The following LOC114841035 variants were observed in gnomAD, a reference collection of about 807,000 sequenced individuals.
At chr11:64,243,761 AGGGGC>A in the LOC114841035 span, 1 of 1,573,224 alleles carries the variant, frequency 6.4e-7, no homozygotes, top group Non-Finnish European at 8.7e-7. Flanking sequence ...TCTTGCTGAG[AGGGGC>A]GGAACACTCT....
chr11:64,243,084 TG>T, the LOC114841035 span: 1 of 886,966 alleles, frequency 1.1e-6, no homozygotes, highest in East Asian at 2.5e-5. Flanking sequence ...CAAAAAGGAC[TG>T]ACCACCAGGG....
chr11:64,243,155 G>A, the LOC114841035 span: 1 of 1,565,704 alleles, frequency 6.4e-7, no homozygotes, highest in Non-Finnish European at 8.8e-7. Flanking sequence ...GGGGGTGTCA[G>A]GGGTGGTCCC....
chr11:64,242,547 A>G, the LOC114841035 span: 38 of 1,547,310 alleles, frequency 2.5e-5, no homozygotes, highest in Non-Finnish European at 3.2e-5. Context: ...TGTCCTGCAC[A>G]TGCACTACAC....
chr11:64,243,026 C>T, the LOC114841035 span, among the ~76,000 whole-genome samples: 2 of 152,262 alleles, frequency 1.3e-5, no homozygotes, highest in East Asian at 3.9e-4. Context: ...GAGGCGAGAT[C>T]ACGCCGCTGC....
the LOC114841035 span, among the ~76,000 whole-genome samples, chr11:64,242,824 C>T: frequency 2.6e-5 from 4 of 152,178 alleles, no homozygotes; most frequent in Admixed American, 2.6e-4. Flanking sequence ...CCCTGTAATC[C>T]CAGCACTTTG....
chr11:64,241,117 G>A, the LOC114841035 span: 1 of 152,720 alleles, frequency 6.5e-6, no homozygotes, highest in African/African-American at 2.4e-5. Flanking sequence ...GTTGACTCCG[G>A]GGGCGCGGCG....
chr11:64,243,411 C>A, the LOC114841035 span: 17 of 1,613,360 alleles, frequency 1.1e-5, no homozygotes, highest in Non-Finnish European at 1.4e-5. Flanking sequence ...AGACAAGGGC[C>A]CTGGGTGCTG....
At chr11:64,242,099 A>C in the LOC114841035 span, 2 of 343,734 alleles carry the variant, frequency 5.8e-6, no homozygotes, top group Non-Finnish European at 1.1e-5. Flanking sequence ...GGGGACTGGG[A>C]GGGAGGGAAG....
At chr11:64,242,576 G>A in the LOC114841035 span, 4 of 1,527,610 alleles carry the variant, frequency 2.6e-6, no homozygotes, top group South Asian at 5.0e-5. Context: ...GGTTGGGCGG[G>A]CCTTTTGGGA....
the LOC114841035 span, chr11:64,242,071 G>A: frequency 3.5e-6 from 1 of 288,958 alleles, no homozygotes; most frequent in Non-Finnish European, 6.5e-6. Flanking sequence ...GGACAGGCGG[G>A]AACTGAAGAG....
the LOC114841035 span, chr11:64,242,362 C>T: frequency 1.1e-5 from 16 of 1,475,960 alleles, no homozygotes; most frequent in African/African-American, 1.0e-4. Context: ...TTCAGTCGGT[C>T]GGTCGGGGTC....
the LOC114841035 span, chr11:64,244,082 C>CAA: frequency 1.3e-3 from 1,688 of 1,271,896 alleles, no homozygotes; most frequent in Non-Finnish European, 1.7e-3. Flanking sequence ...CAGACTGTTC[C>CAA]AAAAAAAAAA....
At chr11:64,243,608 A>G in the LOC114841035 span, 18 of 1,387,434 alleles carry the variant, frequency 1.3e-5, no homozygotes, top group Admixed American at 2.1e-4. Context: ...ATTACAATAC[A>G]TGCCTCCTCC....
chr11:64,243,816 CTG>C, the LOC114841035 span: 295 of 1,613,928 alleles, frequency 1.8e-4, 1 homozygote, highest in African/African-American at 3.7e-3. Context: ...CCATCACTGA[CTG>C]TTTCTTTGTG....
the LOC114841035 span, chr11:64,243,176 C>A: frequency 3.7e-6 from 6 of 1,609,582 alleles, no homozygotes; most frequent in Non-Finnish European, 4.2e-6. Flanking sequence ...CTCTTCCTCA[C>A]TGGCCTTCTC....
chr11:64,241,959 T>G, the LOC114841035 span: 2 of 156,008 alleles, frequency 1.3e-5, no homozygotes, highest in South Asian at 1.7e-4. Flanking sequence ...GCCGCAGAGG[T>G]GTTGGTGTGC....
chr11:64,241,804 C>T, the LOC114841035 span: 1 of 152,484 alleles, frequency 6.6e-6, no homozygotes, highest in Admixed American at 6.5e-5. Context: ...TCTGGGTGCC[C>T]CGGAGACCCC....
At chr11:64,244,131 A>C in the LOC114841035 span, 1 of 1,303,702 alleles carries the variant, frequency 7.7e-7, no homozygotes, top group Non-Finnish European at 1.1e-6. Flanking sequence ...TTAAAAGCCC[A>C]AGGAGTAAGC....
At chr11:64,241,659 C>T in the LOC114841035 span, 1 of 152,132 alleles carries the variant, frequency 6.6e-6, no homozygotes. Flanking sequence ...GAGCCTGGCC[C>T]GAGTAATGGC....
Sources: allele counts gnomAD v4.1 joint callset (sites outside exome capture counted in the v4.1 genomes callset), GRCh38; gene constraint gnomAD v4.1.1; transcripts MANE v1.5.